RPGRIP1L: variants seen among roughly 807,000 people sequenced by gnomAD.
The protein encoded by RPGRIP1L is protein fantom.
Under a neutral mutation model 160.4 loss-of-function variants are expected in RPGRIP1L, and 131 were observed. The ratio of observed to expected loss-of-function variants is 0.82; its 90% CI spans 0.71 to 0.94. The LOEUF is 0.94. Among genes scored for constraint, RPGRIP1L ranks in the 40% least tolerant of loss-of-function variants. RPGRIP1L has a pLI of 0.00. For missense variants in RPGRIP1L, 1,522 were observed against 1,535.8 expected, an observed-to-expected ratio of 0.99 and a Z score of 0.15; for synonymous variants, 510 against 515.8, an observed-to-expected ratio of 0.99 and a Z score of 0.15.
chr16:53,603,136 C>T (rs1480113085), intron 26 of RPGRIP1L, among the ~76,000 whole-genome samples: 1 of 152,152 alleles, frequency 6.6e-6, no homozygotes, highest in South Asian at 2.1e-4. Flanking sequence ...CCACTGCACC[C>T]AGCCCCGAAG....
intron 4 of RPGRIP1L, among the ~76,000 whole-genome samples, chr16:53,691,400 C>T (rs1970373803): frequency 2.0e-5 from 3 of 152,086 alleles, no homozygotes; most frequent in Non-Finnish European, 2.9e-5. Context: ...AATTACTTTG[C>T]AACTTGGGTA....
intron 10 of RPGRIP1L, among the ~76,000 whole-genome samples, chr16:53,663,985 T>C (rs1329438636): frequency 6.6e-6 from 1 of 152,168 alleles, no homozygotes; most frequent in Non-Finnish European, 1.5e-5. Flanking sequence ...ACTAGAAACG[T>C]AACTGTTTTT....
At chr16:53,656,635 A>AT (rs1319587216) in intron 13 of RPGRIP1L, 46 bp from the exon 14 acceptor site, 12 of 1,282,700 alleles carry the variant, frequency 9.4e-6, no homozygotes, top group Non-Finnish European at 1.1e-5. Flanking sequence ...GATTAGTTCT[A>AT]TTTTCATTAT....
chr16:53,605,946 G>A (rs574306587), intron 25 of RPGRIP1L, among the ~76,000 whole-genome samples: 4 of 152,274 alleles, frequency 2.6e-5, no homozygotes, highest in South Asian at 2.1e-4. Context: ...CTACTTTTAA[G>A]GCTAAAAGGA....
rs186963074 is a variant in RPGRIP1L at position 53,608,047 on chromosome 16, G to A, written c.3702-2433C>T. ...AGCACTCAGGTGGAAGGAAGAACAG[G>A]AAGTGCTACCTGAGCTACTCCTGCC... is the stretch of plus-strand genomic sequence containing the variant. On this transcript the variant is annotated intron_variant, in intron 25 of 26. Coordinates refer to ENST00000647211, the MANE Select transcript of RPGRIP1L (RefSeq NM_015272.5). The A allele has an allele frequency of 9.3e-5, 75 of 806,740 alleles. 2 individuals carry two copies. The East Asian group carries it at 1.4e-3, about 15-fold the overall frequency. The allele number at this position is 806,740 out of a possible 1,614,324, so 50.0% of individuals were successfully genotyped here.
chr16:53,639,428 T>C (rs1312342839), intron 19 of RPGRIP1L, among the ~76,000 whole-genome samples: 1 of 152,074 alleles, frequency 6.6e-6, no homozygotes, highest in African/African-American at 2.4e-5. Context: ...TCTCCTGATA[T>C]GAAACTTAGA....
At chr16:53,692,785 G>C (rs1361177528) in intron 3 of RPGRIP1L, among the ~76,000 whole-genome samples, 1 of 152,086 alleles carries the variant, frequency 6.6e-6, no homozygotes, top group Non-Finnish European at 1.5e-5. Flanking sequence ...GCAGCATTTA[G>C]GTAATATATT....
At chr16:53,693,303 C>T (rs1598413398) in intron 3 of RPGRIP1L, 2 of 152,308 alleles carry the variant, frequency 1.3e-5, no homozygotes, top group South Asian at 4.1e-4. Context: ...AAAATAAAAA[C>T]ACACTTCATT....
intron 10 of RPGRIP1L, among the ~76,000 whole-genome samples, chr16:53,662,188 G>A (rs1967859710): frequency 6.6e-6 from 1 of 152,098 alleles, no homozygotes; most frequent in Non-Finnish European, 1.5e-5. Flanking sequence ...GCAGACTGCA[G>A]AGAACAATTC....
intron 6 of RPGRIP1L, among the ~76,000 whole-genome samples, chr16:53,682,009 T>C (rs1335679207): frequency 6.6e-6 from 1 of 152,208 alleles, no homozygotes; most frequent in African/African-American, 2.4e-5. Flanking sequence ...TTTTTTTCAA[T>C]AGTTTTCCAT....
rs949462459 is a variant in RPGRIP1L, at chr16:53,599,650, C to T, written c.*2426G>A. 9.2e-5 allele frequency: 14 copies of T among 152,242 alleles called. No homozygotes were observed. The highest frequency in any genetic ancestry group is 5.2e-4 in the Admixed American group (8 of 15,284). 9.4% of individuals were successfully genotyped at this position (152,242 alleles called of 1,614,324 possible). On this transcript the variant is annotated 3_prime_UTR_variant, in exon 27 of 27. Coordinates refer to ENST00000647211, the MANE Select transcript of RPGRIP1L (RefSeq NM_015272.5). Reference sequence around the variant, plus strand: ...CAAGGCCACTGCTGGTGGCCCCTGACGCCAAGCCCTCTTCAATGGATCCAG... The same window carrying T: ...CAAGGCCACTGCTGGTGGCCCCTGATGCCAAGCCCTCTTCAATGGATCCAG...
chr16:53,677,761 C>T (rs1289978727), intron 6 of RPGRIP1L, among the ~76,000 whole-genome samples: 1 of 152,142 alleles, frequency 6.6e-6, no homozygotes, highest in Non-Finnish European at 1.5e-5. Context: ...GACCTCTGTG[C>T]TTGTGGAGCA....
At chr16:53,686,973 C>T (rs1970063590) in intron 5 of RPGRIP1L, among the ~76,000 whole-genome samples, 1 of 152,096 alleles carries the variant, frequency 6.6e-6, no homozygotes, top group Non-Finnish European at 1.5e-5. Context: ...AGGAAATTTG[C>T]CAAATATAAC....
At position 53,669,472 on chromosome 16, in the gene RPGRIP1L, C is replaced by T. The variant is rs539386597; in HGVS notation, c.1103+2038G>A. 1.3e-4 allele frequency among the ~76,000 whole-genome samples: 19 copies of T among 151,424 alleles called. No individual in the cohort carries two copies. In the South Asian group the frequency reaches 1.7e-3, roughly 13 times the overall value. On this transcript the variant is annotated intron_variant, in intron 9 of 26. Coordinates refer to ENST00000647211, the MANE Select transcript of RPGRIP1L (RefSeq NM_015272.5). ...GCATAAAACATTGAAAAAAAAAAAC[C>T]CTTCAAATTTATACTCTTAGATCAT...
At chr16:53,696,381 T>TG in intron 2 of RPGRIP1L, 86 bp from the exon 3 acceptor site, 7 of 1,370,236 alleles carry the variant, frequency 5.1e-6, no homozygotes, top group South Asian at 1.2e-5. Flanking sequence ...TCTGATGCAC[T>TG]CATCTGAGAT....
At chr16:53,619,459 G>A (rs1176454164) in intron 23 of RPGRIP1L, among the ~76,000 whole-genome samples, 2 of 152,128 alleles carry the variant, frequency 1.3e-5, no homozygotes, top group African/African-American at 4.8e-5. Context: ...TACATTTGAG[G>A]CTATAAATAC....
At chr16:53,633,384 A>T (rs1965641775) in intron 22 of RPGRIP1L, among the ~76,000 whole-genome samples, 1 of 152,184 alleles carries the variant, frequency 6.6e-6, no homozygotes, top group South Asian at 2.1e-4. Context: ...ACACCAGACA[A>T]ATCCAATGAA....
chr16:53,623,897 CT>C (rs1490792873), intron 22 of RPGRIP1L, among the ~76,000 whole-genome samples: 2 of 152,054 alleles, frequency 1.3e-5, no homozygotes, highest in Non-Finnish European at 1.5e-5. Context: ...TTCAGAATAT[CT>C]TTTTTTATTT....
At chr16:53,694,364 G>A (rs1236132382) in intron 3 of RPGRIP1L, 2 of 147,834 alleles carry the variant, frequency 1.4e-5, no homozygotes, top group Non-Finnish European at 3.0e-5. Flanking sequence ...TTGAACCCGG[G>A]AGGCGAAGGT....
Sources: allele counts gnomAD v4.1 joint callset (sites outside exome capture counted in the v4.1 genomes callset), GRCh38; gene constraint gnomAD v4.1.1; transcripts MANE v1.5; gene names NCBI Gene and HGNC (gene_info 2026-07-23, HGNC 2026-07-21).